The following CLIC5 variants were observed in gnomAD, a reference collection of about 807,000 sequenced individuals.
CLIC5 encodes the protein chloride intracellular channel protein 5.
Under a neutral mutation model 24.7 loss-of-function variants are expected in CLIC5, and 20 were observed. The observed-to-expected ratio is 0.81, with a 90% CI of 0.57 to 1.18. The LOEUF is 1.18. Ranked by LOEUF, CLIC5 falls within the 50% of genes most tolerant of loss-of-function variation. The probability of loss-of-function intolerance (pLI) is 0.00; values close to 1 mark genes in which losing one functional copy is unlikely to be tolerated. For synonymous variants in CLIC5, 159 were observed against 135.6 expected (o/e 1.17, Z -1.20); for missense variants, 341 against 326.1 (o/e 1.05, Z -0.35).
intron 4 of CLIC5, among the ~76,000 whole-genome samples, chr6:45,928,048 C>T (rs1226190961): frequency 6.6e-6 from 1 of 152,158 alleles, no homozygotes; most frequent in Admixed American, 6.5e-5. Flanking sequence ...GCTACTCCGG[C>T]TCAGCCTGGA....
rs112436889 is a variant in CLIC5 at position 46,000,451 on chromosome 6, G to C, written c.63+15029C>G. On this transcript the variant is annotated intron_variant, in intron 1 of 5. Transcript: ENST00000339561. ...TTACCACCTGTTCATCTGAACCCAG[G>C]TGATGGAAGTCAGCACCAAACCGAA... 5.0e-3 allele frequency among the ~76,000 whole-genome samples: 761 copies of C among 152,262 alleles called. 5 individuals carry two copies. Among genetic ancestry groups the C allele is most frequent in the African/African-American group, 0.018 (732 of 41,542 alleles).
chr6:45,979,513 T>C (rs1765497001), intron 1 of CLIC5, among the ~76,000 whole-genome samples: 1 of 152,244 alleles, frequency 6.6e-6, no homozygotes, highest in Admixed American at 6.5e-5. Context: ...CTCCACCCAC[T>C]CTTCCAGCCT....
chr6:45,990,627 G>C (rs1343400633), intron 1 of CLIC5, among the ~76,000 whole-genome samples: 1 of 152,168 alleles, frequency 6.6e-6, no homozygotes, highest in Non-Finnish European at 1.5e-5. Flanking sequence ...TACATAGTAA[G>C]GGTGTTCATC....
rs543493833 is a variant in CLIC5 at position 45,912,185 on chromosome 6, C to T, written c.588+2043G>A. ...CAAACTGGAGGCCTGACTTGGCTTC[C>T]CCTTCGCTCTTTGTGAACTTTAGAG... On this transcript the variant is annotated intron_variant, in intron 5 of 5. Coordinates refer to ENST00000339561, the MANE Select transcript of CLIC5 (RefSeq NM_016929.5). 5.6e-5 allele frequency: 55 copies of T among 986,424 alleles called. No individual in the cohort carries two copies. The African/African-American group carries it at 9.1e-4, about 16-fold the overall frequency. The allele number at this position is 986,424 out of a possible 1,614,324, so 61.1% of individuals were successfully genotyped here. A position where few individuals can be genotyped will look rare whatever the true frequency, so the allele number is the denominator to read the frequency against.
intron 1 of CLIC5, among the ~76,000 whole-genome samples, chr6:46,053,634 G>A (rs146273215): frequency 9.2e-5 from 14 of 152,240 alleles, no homozygotes; most frequent in South Asian, 2.1e-4. Context: ...AACTCATCAC[G>A]TCCCATGATG....
chr6:46,091,711 T>C, the CLIC5 span, among the ~76,000 whole-genome samples: 1 of 152,328 alleles, frequency 6.6e-6, no homozygotes, highest in African/African-American at 2.4e-5. Flanking sequence ...AAATGCCAAA[T>C]ATAATTCCAT....
At chr6:46,090,500 C>G in the CLIC5 span, among the ~76,000 whole-genome samples, 2 of 151,830 alleles carry the variant, frequency 1.3e-5, no homozygotes, top group East Asian at 1.9e-4. Flanking sequence ...CTATGTGTCA[C>G]TTTAGTTTGG....
In CLIC5 at chr6:45,902,317, GTAT is replaced by G. The variant is rs1388145684; in HGVS notation, c.*768_*770del. On this transcript the variant is annotated 3_prime_UTR_variant, in exon 6 of 6. Transcript: ENST00000339561. ...ACCCCATGGCTGGTAGACCCCGTGG[GTAT>G]TTTGGCATCAACACTGCTCCCCTCC... The G allele has an allele frequency of 6.5e-6, 1 of 152,784 alleles. No individual in the cohort carries two copies. The highest frequency in any genetic ancestry group is 1.5e-5 in the Non-Finnish European group (1 of 68,176). The allele number at this position is 152,784 out of a possible 1,614,324, so 9.5% of individuals were successfully genotyped here.
At chr6:45,972,844 C>T (rs1765246435) in intron 1 of CLIC5, among the ~76,000 whole-genome samples, 2 of 152,188 alleles carry the variant, frequency 1.3e-5, no homozygotes, top group Admixed American at 1.3e-4. Context: ...AAAAGTGCAT[C>T]TTTGCACATC....
chr6:46,053,813 G>A (rs1217739166), intron 1 of CLIC5, among the ~76,000 whole-genome samples: 1 of 152,120 alleles, frequency 6.6e-6, no homozygotes, highest in Non-Finnish European at 1.5e-5. Flanking sequence ...TTTACCCTGG[G>A]GAGAGGCATT....
chr6:45,998,978 A>G (rs901247691), intron 1 of CLIC5, among the ~76,000 whole-genome samples: 1 of 152,192 alleles, frequency 6.6e-6, no homozygotes, highest in Non-Finnish European at 1.5e-5. Flanking sequence ...GGTCTAAGAC[A>G]TTCACCCTGT....
intron 6 of CLIC5, among the ~76,000 whole-genome samples, chr6:45,881,391 C>A (rs950292651): frequency 6.6e-6 from 1 of 152,120 alleles, no homozygotes; most frequent in Non-Finnish European, 1.5e-5. Context: ...GCTTTTCTCC[C>A]TGGCTGCCCT....
intron 2 of CLIC5, among the ~76,000 whole-genome samples, chr6:45,954,250 G>A (rs1257599672): frequency 2.3e-5 from 3 of 132,892 alleles, no homozygotes; most frequent in African/African-American, 8.8e-5. Flanking sequence ...TCCAGCCTGA[G>A]CAACAGAGTG....
the CLIC5 span, among the ~76,000 whole-genome samples, chr6:46,122,137 G>T: frequency 6.6e-6 from 1 of 152,196 alleles, no homozygotes; most frequent in Admixed American, 6.5e-5. Flanking sequence ...ATTCTTCTCA[G>T]CACCACACTG....
At chr6:46,004,177 G>A (rs1417546316) in intron 1 of CLIC5, among the ~76,000 whole-genome samples, 1 of 152,208 alleles carries the variant, frequency 6.6e-6, no homozygotes, top group Non-Finnish European at 1.5e-5. Context: ...AGATTAAGTG[G>A]ACAGTATTAA....
the CLIC5 span, among the ~76,000 whole-genome samples, chr6:46,100,498 TAC>T: frequency 6.6e-6 from 1 of 152,142 alleles, no homozygotes; most frequent in Non-Finnish European, 1.5e-5. Flanking sequence ...CTGCAGGAGC[TAC>T]ACTAGCTACA....
the CLIC5 span, among the ~76,000 whole-genome samples, chr6:46,101,865 G>A: frequency 6.6e-6 from 1 of 151,762 alleles, no homozygotes; most frequent in Non-Finnish European, 1.5e-5. Flanking sequence ...TCATTCATAA[G>A]CTAAATACCC....
intron 5 of CLIC5, among the ~76,000 whole-genome samples, chr6:45,913,292 G>A (rs1256293494): frequency 6.6e-6 from 1 of 152,208 alleles, no homozygotes; most frequent in Non-Finnish European, 1.5e-5. Context: ...ATACTAGGCT[G>A]ACGAGGGTCA....
chr6:46,083,306 C>T (rs1386805113), upstream of CLIC5, among the ~76,000 whole-genome samples: 2 of 152,098 alleles, frequency 1.3e-5, no homozygotes, highest in Non-Finnish European at 2.9e-5. Flanking sequence ...TTATTTCTTG[C>T]CTTCTGCTAA....
Sources: allele counts gnomAD v4.1 joint callset (sites outside exome capture counted in the v4.1 genomes callset), GRCh38; gene constraint gnomAD v4.1.1; transcripts MANE v1.5; gene names NCBI Gene and HGNC (gene_info 2026-07-23, HGNC 2026-07-21).